The following SLC4A4 variants were observed in gnomAD, a reference collection of about 807,000 sequenced individuals.
The protein encoded by SLC4A4 is electrogenic sodium bicarbonate cotransporter 1.
Under a neutral mutation model 111.5 loss-of-function variants are expected in SLC4A4, and 27 were observed. That is an observed-to-expected ratio of 0.24 (90% CI 0.18 to 0.33). SLC4A4 has a LOEUF of 0.33. Ranked by LOEUF, SLC4A4 falls within the 10% of genes least tolerant of loss-of-function variation. The pLI, the probability that SLC4A4 is intolerant of heterozygous loss-of-function variation, is 1.00. For missense variants in SLC4A4, 909 were observed against 1,315.5 expected, an observed-to-expected ratio of 0.69 and a Z score of 4.78; for synonymous variants, 443 against 463.4, an observed-to-expected ratio of 0.96 and a Z score of 0.57.
At chr4:71,442,504 C>T (rs1229639244) in intron 8 of SLC4A4, among the ~76,000 whole-genome samples, 1 of 152,138 alleles carries the variant, frequency 6.6e-6, no homozygotes, top group African/African-American at 2.4e-5. Flanking sequence ...AGTAGGGAGT[C>T]TCATTAGCTT....
chr4:71,260,539 C>T (rs1318666669), intron 3 of SLC4A4, among the ~76,000 whole-genome samples: 1 of 152,144 alleles, frequency 6.6e-6, no homozygotes, highest in Non-Finnish European at 1.5e-5. Flanking sequence ...TCTTTCATCC[C>T]CTTCTCTATT....
chr4:71,155,385 G>T (rs2148974368), intron 2 of SLC4A4, among the ~76,000 whole-genome samples: 1 of 152,252 alleles, frequency 6.6e-6, no homozygotes, highest in African/African-American at 2.4e-5. Context: ...AACATCAGTG[G>T]TCTCATCTTT....
chr4:71,326,725 G>A (rs1343568719), intron 3 of SLC4A4, among the ~76,000 whole-genome samples: 1 of 152,000 alleles, frequency 6.6e-6, no homozygotes, highest in Admixed American at 6.6e-5. Context: ...GAGCCATTTG[G>A]TTTAGGTCTG....
At chr4:71,145,635 G>C (rs6447023) in intron 2 of SLC4A4, among the ~76,000 whole-genome samples, 19,428 of 152,068 alleles carry the variant, frequency 0.13, 1,392 homozygotes, top group East Asian at 0.28. Context: ...GCCTGTTATT[G>C]GTGTATTCAG....
In SLC4A4 at chr4:71,083,249, T is replaced by C. The variant is rs1742042669; in HGVS notation, c.-64-9481T>C. Reference sequence around the variant, plus strand: ...TTAAAATTTAAATGTATGATAGCATTCAGTGCATCACATTTTCCAACTTGT... The same window carrying C: ...TTAAAATTTAAATGTATGATAGCATCCAGTGCATCACATTTTCCAACTTGT... On this transcript the variant is annotated intron_variant, in intron 1 of 26. Transcript: ENST00000649996. Among the ~76,000 whole-genome samples, 3 of 152,024 alleles carry C rather than the reference T, an allele frequency of 2.0e-5. No individual in the cohort carries two copies. In the South Asian group the frequency reaches 6.2e-4, roughly 31 times the overall value.
chr4:71,354,744 T>A (rs1018387963), intron 5 of SLC4A4, among the ~76,000 whole-genome samples: 1 of 152,174 alleles, frequency 6.6e-6, no homozygotes, highest in Admixed American at 6.5e-5. Context: ...TGGGGAAAGA[T>A]CTAAACTTAG....
chr4:71,494,272 A>G (rs559161001), intron 15 of SLC4A4, among the ~76,000 whole-genome samples: 1 of 152,188 alleles, frequency 6.6e-6, no homozygotes, highest in South Asian at 2.1e-4. Flanking sequence ...AGAGAATTCT[A>G]ACAGGCAGAA....
At chr4:71,144,011 AG>A in intron 2 of SLC4A4, among the ~76,000 whole-genome samples, 1 of 152,308 alleles carries the variant, frequency 6.6e-6, no homozygotes, top group African/African-American at 2.4e-5. Context: ...TTAGTCATGA[AG>A]TCCTTGCCCA....
intron 7 of SLC4A4, 51 bp from the exon 8 acceptor site, chr4:71,440,565 C>T (rs1724624796): frequency 6.2e-7 from 1 of 1,608,456 alleles, no homozygotes; most frequent in Non-Finnish European, 8.5e-7. Context: ...ATAGTAATTC[C>T]ACAGGAACCT....
chr4:71,332,505 C>G (rs902444192), intron 3 of SLC4A4, among the ~76,000 whole-genome samples: 1 of 146,954 alleles, frequency 6.8e-6, no homozygotes, highest in African/African-American at 2.5e-5. Flanking sequence ...AGTGCTGTGG[C>G]GCGATCTCCG....
intron 2 of SLC4A4, among the ~76,000 whole-genome samples, chr4:71,117,898 C>T (rs190223925): frequency 0.029 from 4,044 of 138,586 alleles, 74 homozygotes; most frequent in Middle Eastern, 0.062. Context: ...TTTTTTGAGA[C>T]GGAGTTTCAC....
chr4:71,435,662 T>TGACAAAGGACTAATATCCAGAATC (rs1253108081), intron 7 of SLC4A4, among the ~76,000 whole-genome samples: 1 of 152,216 alleles, frequency 6.6e-6, no homozygotes, highest in African/African-American at 2.4e-5. Context: ...TCTATCCATC[T>TGACAAAGGACTAATATCCAGAATC]GACAAAGGAC....
chr4:71,395,259 G>T (rs1719711817), intron 6 of SLC4A4, among the ~76,000 whole-genome samples: 1 of 152,044 alleles, frequency 6.6e-6, no homozygotes. Context: ...TGGTAGGGAG[G>T]GGGATGGAAA....
At chr4:71,466,931 A>AAG (rs61128918) in intron 13 of SLC4A4, among the ~76,000 whole-genome samples, 2,510 of 94,780 alleles carry the variant, frequency 0.026, 126 homozygotes, top group African/African-American at 0.072. Context: ...ACAAGACGGG[A>AAG]AGAGAGAGAG....
intron 7 of SLC4A4, among the ~76,000 whole-genome samples, chr4:71,424,047 A>T (rs1722830683): frequency 6.6e-6 from 1 of 152,170 alleles, no homozygotes; most frequent in Non-Finnish European, 1.5e-5. Flanking sequence ...CATCAGAGTG[A>T]ACAGGCAACC....
chr4:71,384,965 C>T (rs1246242962), intron 6 of SLC4A4, among the ~76,000 whole-genome samples: 4 of 151,032 alleles, frequency 2.6e-5, no homozygotes, highest in Admixed American at 6.6e-5. Flanking sequence ...CACCATGGCA[C>T]GTGTATACCT....
intron 2 of SLC4A4, among the ~76,000 whole-genome samples, chr4:71,143,055 G>A (rs1403546397): frequency 2.0e-5 from 3 of 151,926 alleles, no homozygotes; most frequent in East Asian, 3.9e-4. Context: ...CCAGTAACTC[G>A]TCATTTAGCA....
At chr4:71,132,269 C>T (rs1370008906) in intron 2 of SLC4A4, among the ~76,000 whole-genome samples, 2 of 152,024 alleles carry the variant, frequency 1.3e-5, no homozygotes, top group Non-Finnish European at 2.9e-5. Flanking sequence ...GAAATGTAAG[C>T]TATTATTAAT....
upstream of SLC4A4, among the ~76,000 whole-genome samples, chr4:71,183,912 C>T (rs568347262): frequency 5.9e-5 from 9 of 152,286 alleles, 1 homozygote; most frequent in African/African-American, 2.2e-4. Flanking sequence ...TCTGTTTAGG[C>T]CCCAATATGA....
Sources: gnomAD v4.1 joint callset for allele counts (sites outside exome capture counted in the v4.1 genomes callset) on GRCh38, gnomAD v4.1.1 for gene constraint, MANE v1.5 for transcripts, NCBI Gene and HGNC (gene_info 2026-07-23, HGNC 2026-07-21) for gene names.